Variants in LUC7L2 observed in about 807,000 individuals in gnomAD.
LUC7L2 encodes the protein LUC7 like 2, pre-mRNA splicing factor, also known as putative RNA-binding protein Luc7-like 2.
LUC7L2 carries 25 observed loss-of-function variants against 52.8 expected under a neutral mutation model. The ratio of observed to expected loss-of-function variants is 0.47; its 90% confidence interval spans 0.34 to 0.66. The LOEUF (loss-of-function observed/expected upper bound fraction) is 0.66, where lower values mean the gene tolerates loss of function less well. Among genes scored for constraint, LUC7L2 ranks in the 30% least tolerant of loss-of-function variants. The probability of loss-of-function intolerance (pLI) is 0.01; values close to 1 mark genes in which losing one functional copy is unlikely to be tolerated. For synonymous variants in LUC7L2, 144 were observed against 160.9 expected, an observed-to-expected ratio of 0.89 and a Z score of 0.80; for missense variants, 328 against 497.8, an observed-to-expected ratio of 0.66 and a Z score of 3.25.
At position 139,383,870 on chromosome 7, in the gene LUC7L2, A is replaced by C. The variant is rs569826628; in HGVS notation, c.156+7714A>C. ...TGCCTCAGCCTCCCGAGTAGCTGGG[A>C]CTACAGGTGCCCGCTACCATGCCTG... On this transcript the variant is annotated intron_variant, in intron 2 of 9. Transcript: ENST00000354926. Among the ~76,000 whole-genome samples, 26 of 151,158 alleles carry C rather than the reference A, an allele frequency of 1.7e-4. 1 individual carries two copies. The East Asian group carries it at 5.1e-3, about 30-fold the overall frequency.
At chr7:139,392,592 AT>A (rs1794489390) in intron 2 of LUC7L2, 1 of 199,548 alleles carries the variant, frequency 5.0e-6, no homozygotes, top group Admixed American at 6.1e-5. Flanking sequence ...CAATCTAAGC[AT>A]TTAGATGTAA....
intron 1 of LUC7L2, among the ~76,000 whole-genome samples, chr7:139,349,830 C>T (rs984917031): frequency 6.6e-6 from 1 of 152,114 alleles, no homozygotes; most frequent in Non-Finnish European, 1.5e-5. Context: ...GGTAAATTTA[C>T]ATATAATAAA....
Position 139,417,748 on chromosome 7 carries a change from G to C in LUC7L2, c.1001+19G>C. 6.2e-7 allele frequency: 1 copy of C among 1,605,316 alleles called. No homozygotes were observed. The highest frequency in any genetic ancestry group is 8.5e-7 in the Non-Finnish European group (1 of 1,172,980). ...AGAGGAGGTATTGATGTGTCAATCA[G>C]AGGATATGGAGCTACCTTAATGTTT... is the stretch of plus-strand genomic sequence containing the variant. On this transcript the variant is annotated intron_variant, in intron 9 of 9. Transcript: ENST00000354926.
intron 9 of LUC7L2, among the ~76,000 whole-genome samples, chr7:139,418,619 C>CAACT (rs1325607681): frequency 6.6e-6 from 1 of 151,648 alleles, no homozygotes. Context: ...TTTTTTGACT[C>CAACT]AACTTTCCAT....
upstream of LUC7L2, among the ~76,000 whole-genome samples, chr7:139,356,911 A>G (rs1188006685): frequency 6.6e-6 from 1 of 152,226 alleles, no homozygotes; most frequent in Admixed American, 6.5e-5. Flanking sequence ...TGAAGAGCAA[A>G]ATAAGTGGTA....
chr7:139,340,977 A>G (rs528297619), intron 1 of LUC7L2, among the ~76,000 whole-genome samples: 14 of 152,108 alleles, frequency 9.2e-5, no homozygotes, highest in African/African-American at 3.4e-4. Context: ...GAATTTTGAT[A>G]TCCCTTTTAT....
chr7:139,406,163 T>C (rs1795103997), intron 5 of LUC7L2, among the ~76,000 whole-genome samples: 1 of 152,160 alleles, frequency 6.6e-6, no homozygotes, highest in Admixed American at 6.5e-5. Context: ...GCGATTCTCC[T>C]GCCTCAGCCT....
chr7:139,405,251 G>C (rs924624419), intron 4 of LUC7L2, among the ~76,000 whole-genome samples: 1 of 152,194 alleles, frequency 6.6e-6, no homozygotes, highest in African/African-American at 2.4e-5. Flanking sequence ...AGAAAGAAGA[G>C]TATATGCAAA....
intron 1 of LUC7L2, chr7:139,375,290 T>A: frequency 3.0e-6 from 3 of 985,344 alleles, no homozygotes; most frequent in Non-Finnish European, 3.6e-6. Context: ...GAGGTAGGTG[T>A]ATTGTGTTAT....
intron 9 of LUC7L2, 36 bp downstream of exon 9, chr7:139,417,765 T>C: frequency 6.3e-7 from 1 of 1,591,870 alleles, no homozygotes; most frequent in Non-Finnish European, 8.6e-7. Context: ...TGGAGCTACC[T>C]TAATGTTTTA....
chr7:139,391,936 T>C (rs1182367470), intron 2 of LUC7L2, among the ~76,000 whole-genome samples: 3 of 152,166 alleles, frequency 2.0e-5, no homozygotes, highest in Non-Finnish European at 1.5e-5. Flanking sequence ...TCATTGCTTA[T>C]AATTCAACCA....
intron 1 of LUC7L2, among the ~76,000 whole-genome samples, chr7:139,341,841 G>A (rs1798996368): frequency 6.6e-6 from 1 of 152,228 alleles, no homozygotes; most frequent in African/African-American, 2.4e-5. Flanking sequence ...TGGAATGGAG[G>A]ATTCAATGCT....
intron 4 of LUC7L2, among the ~76,000 whole-genome samples, chr7:139,402,856 C>A (rs1206348643): frequency 6.6e-6 from 1 of 152,190 alleles, no homozygotes; most frequent in African/African-American, 2.4e-5. Flanking sequence ...TGTGTAATTA[C>A]AGCCACAGTT....
At position 139,423,382 on chromosome 7, in the gene LUC7L2, C is replaced by CA. The variant is rs1039166770; in HGVS notation, c.*1042_*1043insA. On this transcript the variant is annotated 3_prime_UTR_variant, in exon 10 of 10. Coordinates refer to ENST00000354926, the MANE Select transcript of LUC7L2 (RefSeq NM_016019.5). ...GTAATGACCGTTATAGAGAAGGGCTCGACCTGCAGAAGAAACTGGGGTGTT... is the reference window on the plus strand; with the variant it reads ...GTAATGACCGTTATAGAGAAGGGCTCAGACCTGCAGAAGAAACTGGGGTGTT... 30 of 398,838 alleles carry CA rather than the reference C, an allele frequency of 7.5e-5. No individual in the cohort carries two copies. In the Admixed American group the frequency reaches 8.8e-4, roughly 12 times the overall value. 24.7% of individuals were successfully genotyped at this position (398,838 alleles called of 1,614,324 possible).
At chr7:139,358,816 C>T (rs959036626), upstream of LUC7L2, among the ~76,000 whole-genome samples, 5 of 152,024 alleles carry the variant, frequency 3.3e-5, no homozygotes, top group African/African-American at 1.2e-4. Context: ...TCCCGAGTAG[C>T]TGGGGAGGCG....
At chr7:139,375,946 A>G in intron 1 of LUC7L2, 116 bp from the exon 2 acceptor site, 2 of 1,038,436 alleles carry the variant, frequency 1.9e-6, no homozygotes, top group South Asian at 3.2e-5. Flanking sequence ...ATCCCTCTTG[A>G]GCTGATTTAT....
At chr7:139,407,584 C>T (rs993076716) in intron 6 of LUC7L2, among the ~76,000 whole-genome samples, 1 of 151,934 alleles carries the variant, frequency 6.6e-6, no homozygotes, top group South Asian at 2.1e-4. Context: ...GATATGACAC[C>T]GAGTTAGGGA....
chr7:139,405,883 G>T, intron 5 of LUC7L2, 96 bp downstream of exon 5: 1 of 1,396,802 alleles, frequency 7.2e-7, no homozygotes, highest in Non-Finnish European at 9.4e-7. Context: ...ACTTCTCTAA[G>T]AACATGTATT....
intron 1 of LUC7L2, among the ~76,000 whole-genome samples, chr7:139,341,718 G>A (rs769410289): frequency 6.9e-6 from 1 of 145,950 alleles, no homozygotes; most frequent in Non-Finnish European, 1.5e-5. Context: ...AGGACCAGCG[G>A]GGGGGGGCGC....
Sources: gnomAD v4.1 joint callset for allele counts (sites outside exome capture counted in the v4.1 genomes callset) on GRCh38, gnomAD v4.1.1 for gene constraint, MANE v1.5 for transcripts, NCBI Gene and HGNC (gene_info 2026-07-23, HGNC 2026-07-21) for gene names.